Variants in DVL3 observed in about 807,000 individuals in gnomAD.
The protein encoded by DVL3 is segment polarity protein dishevelled homolog DVL-3.
In DVL3, 27 loss-of-function variants were observed where a neutral mutation model predicts 67.4. The observed-to-expected ratio is 0.40, with a 90% CI of 0.30 to 0.55. DVL3 has a LOEUF of 0.55. DVL3 is among the 20% of genes least tolerant of loss of function. The pLI is 0.46. For synonymous variants in DVL3, 369 were observed against 396.8 expected (o/e 0.93, Z 0.83); for missense variants, 819 against 1,021.5 (o/e 0.80, Z 2.70).
rs1281918567 is a variant in DVL3 at position 184,164,393 on chromosome 3, G to T, written c.353+5G>T. 1.2e-6 allele frequency: 2 copies of T among 1,613,140 alleles called. No homozygotes were observed. Among genetic ancestry groups the T allele is most frequent in the Non-Finnish European group, 1.7e-6 (2 of 1,179,454 alleles). Reference sequence around the variant, plus strand: ...CTCCCGACCCCCATCCTTCCAGTGAGTGTGACCTGAGGGTGGGGAGGGCCG... The same window carrying T: ...CTCCCGACCCCCATCCTTCCAGTGATTGTGACCTGAGGGTGGGGAGGGCCG... On this transcript the variant is annotated splice_donor_5th_base_variant and intron_variant, in intron 3 of 14. Transcript: ENST00000313143. This position sits in a 1 kb window ranked among gnomAD's most constrained non-coding sequence, Gnocchi z 5.3.
rs780300833 is a variant in DVL3 at position 184,164,424 on chromosome 3, G to T, written c.353+36G>T. 6.8e-6 allele frequency: 11 copies of T among 1,609,272 alleles called. No individual in the cohort carries two copies. In the South Asian group the frequency reaches 1.2e-4, roughly 18 times the overall value. On this transcript the variant is annotated intron_variant, in intron 3 of 14. Transcript: ENST00000313143. The surrounding 1 kb of genome is among the most constrained non-coding windows in gnomAD (Gnocchi z 5.3). Reference sequence around the variant, plus strand: ...CCTGAGGGTGGGGAGGGCCGCATCAGTTCAGCCCAGGGCTGGGGGAGGGAG... The same window carrying T: ...CCTGAGGGTGGGGAGGGCCGCATCATTTCAGCCCAGGGCTGGGGGAGGGAG...
chr3:184,164,776 A>G lies in DVL3; in HGVS notation c.464-20A>G. 2 of 1,614,030 alleles carry G rather than the reference A, an allele frequency of 1.2e-6. No individual in the cohort carries two copies. The highest frequency in any genetic ancestry group is 1.7e-6 in the Non-Finnish European group (2 of 1,179,974). On this transcript the variant is annotated intron_variant, in intron 4 of 14. Coordinates refer to ENST00000313143, the MANE Select transcript of DVL3 (RefSeq NM_004423.4). The surrounding 1 kb of genome is among the most constrained non-coding windows in gnomAD (Gnocchi z 5.3). Reference sequence around the variant, plus strand: ...CTGCACTGGGCACTGTGTAAACCCAACTGCTTCCATCCCCTGCAGCAACCC... The same window carrying G: ...CTGCACTGGGCACTGTGTAAACCCAGCTGCTTCCATCCCCTGCAGCAACCC...
At position 184,170,398 on chromosome 3, in the gene DVL3, C is replaced by A. The variant is rs751233450; in HGVS notation, c.1794C>A (p.Ser598=). The A allele has an allele frequency of 6.2e-7, 1 of 1,603,546 alleles. No homozygotes were observed. Among genetic ancestry groups the A allele is most frequent in the Admixed American group, 1.7e-5 (1 of 58,470 alleles). The stretch of plus-strand genomic sequence containing the variant: ...ACCCGAAGGCCGGGGACTCCAAGTC[C>A]GGGGGCAGCGGCAGCGAATCGGACC... ...EKDPKAGDSK[S]GGSGSESDHT... Residue 598 remains serine (S), a synonymous_variant, in exon 15 of 15, where the codon TCC becomes TCA. Coordinates refer to ENST00000313143, the MANE Select transcript of DVL3 (RefSeq NM_004423.4). This position sits in a 1 kb window ranked among gnomAD's most constrained non-coding sequence, Gnocchi z 6.5.
At chr3:184,161,990 G>A (rs1000836813) in intron 1 of DVL3, among the ~76,000 whole-genome samples, 1 of 152,176 alleles carries the variant, frequency 6.6e-6, no homozygotes, top group African/African-American at 2.4e-5. Flanking sequence ...TAAGAATGCA[G>A]ATGTTAGAGT....
chr3:184,165,475 G>T lies in DVL3; in HGVS notation c.747G>T (p.Thr249=). 5 of 1,614,002 alleles carry T rather than the reference G, an allele frequency of 3.1e-6. No homozygotes were observed. The highest frequency in any genetic ancestry group is 4.2e-6 in the Non-Finnish European group (5 of 1,179,968). Reference sequence around the variant, plus strand: ...CCACCATGTCACTCAACATCATCACGGTCACTCTCAACATGGGTGAGTCTG... The same window carrying T: ...CCACCATGTCACTCAACATCATCACTGTCACTCTCAACATGGGTGAGTCTG... The part of the protein sequence containing the change: ...TDSTMSLNII[T]VTLNMEKYNF... The change falls in exon 7 of 15, where the codon ACG becomes ACT. Residue 249 remains threonine, a synonymous_variant. Coordinates refer to ENST00000313143, the MANE Select transcript of DVL3 (RefSeq NM_004423.4). This position sits in a 1 kb window ranked among gnomAD's most constrained non-coding sequence, Gnocchi z 4.1.
At position 184,163,941 on chromosome 3, in the gene DVL3, A is replaced by G. The variant is rs926709784; in HGVS notation, c.231+215A>G. Reference sequence around the variant, plus strand: ...GGAAGAGGGAGAGACGGAAACACACAGTGGAGACAGTAACGTTTCCTATGC... The same window carrying G: ...GGAAGAGGGAGAGACGGAAACACACGGTGGAGACAGTAACGTTTCCTATGC... On this transcript the variant is annotated intron_variant, in intron 2 of 14. Transcript: ENST00000313143. This position sits in a 1 kb window ranked among gnomAD's most constrained non-coding sequence, Gnocchi z 4.5. Among the ~76,000 whole-genome samples the G allele has an allele frequency of 1.3e-5, 2 of 152,160 alleles. No homozygotes were observed. Among genetic ancestry groups the G allele is most frequent in the Non-Finnish European group, 2.9e-5 (2 of 68,026 alleles).
intron 13 of DVL3, 30 bp from the exon 14 acceptor site, chr3:184,169,976 C>T: frequency 6.4e-7 from 1 of 1,571,860 alleles, no homozygotes; most frequent in Non-Finnish European, 8.7e-7. Flanking sequence ...TCCGGAAAGA[C>T]CTAGCTCCAT....
intron 1 of DVL3, among the ~76,000 whole-genome samples, chr3:184,162,255 G>C (rs1714406935): frequency 6.7e-6 from 1 of 149,312 alleles, no homozygotes; most frequent in South Asian, 2.1e-4. Flanking sequence ...ATAGCTCACT[G>C]CAGCCTTGAA....
rs753138137 is a variant in DVL3, at chr3:184,170,248, G to C, written c.1714+27G>C. The stretch of plus-strand genomic sequence containing the variant: ...TAAGGTAGAGGGGCCGTGGAGGAAG[G>C]CTATAGGTGGGCCCCAGGCTTCCCC... On this transcript the variant is annotated intron_variant, in intron 14 of 14. Transcript: ENST00000313143. The surrounding 1 kb of genome is among the most constrained non-coding windows in gnomAD (Gnocchi z 6.5). 8 of 1,609,050 alleles carry C rather than the reference G, an allele frequency of 5.0e-6. No homozygotes were observed. The highest frequency in any genetic ancestry group is 6.8e-6 in the Non-Finnish European group (8 of 1,177,742).
At position 184,170,191 on chromosome 3, in the gene DVL3, G is replaced by A. The variant is rs1381302617; in HGVS notation, c.1684G>A (p.Gly562Arg). Residue 562 changes from glycine to arginine, a missense_variant, in exon 14 of 15, where the codon GGG (glycine) becomes AGG (arginine). Physicochemically the swap from Gly to Arg is moderately radical, Grantham distance 125. Around this residue, in one of 3 missense-constraint regions of DVL3, gnomAD observed 324 missense variants for 331.3 expected, o/e 0.98. Transcript: ENST00000313143. This position sits in a 1 kb window ranked among gnomAD's most constrained non-coding sequence, Gnocchi z 6.5. ...CCCGGAGCTGGGCTACAGCTACGGCGGGGGCAGCGCCAGCAGTCAGCACAG... is the reference window on the plus strand; with the variant it reads ...CCCGGAGCTGGGCTACAGCTACGGCAGGGGCAGCGCCAGCAGTCAGCACAG... ...GFPELGYSYGGGSASSQHSEG... is the reference protein window; with the variant it reads ...GFPELGYSYGRGSASSQHSEG... 1.2e-6 allele frequency: 2 copies of A among 1,611,782 alleles called. No homozygotes were observed. The highest frequency in any genetic ancestry group is 8.5e-7 in the Non-Finnish European group (1 of 1,179,780).
intron 1 of DVL3, among the ~76,000 whole-genome samples, chr3:184,160,189 G>A (rs2109019029): frequency 6.7e-6 from 1 of 149,850 alleles, no homozygotes; most frequent in South Asian, 2.1e-4. Flanking sequence ...CCTGACTCAT[G>A]ATCCGCTCAC....
Position 184,164,630 on chromosome 3 carries a change from C to T in DVL3, c.463+29C>T, listed in dbSNP as rs1201291238. ...TATCTTCCTGAACACGGACACTGTC[C>T]GCACCTCACACCCTCCCCTCACTTT... is the stretch of plus-strand genomic sequence containing the variant. On this transcript the variant is annotated intron_variant, in intron 4 of 14. Coordinates refer to ENST00000313143, the MANE Select transcript of DVL3 (RefSeq NM_004423.4). The surrounding 1 kb of genome is among the most constrained non-coding windows in gnomAD (Gnocchi z 5.3). The T allele has an allele frequency of 6.4e-7, 1 of 1,550,658 alleles. No individual in the cohort carries two copies.
At position 184,170,493 on chromosome 3, in the gene DVL3, G is replaced by A; in HGVS notation, c.1889G>A (p.Ser630Asn). ...APSERSGPAA[S>N]EHSHRSHHSL... ...AGCGAGCGCTCAGGGCCGGCGGCCA[G>A]CGAGCACAGCCACCGCAGCCACCAT... is the stretch of plus-strand genomic sequence containing the variant. The change falls in exon 15 of 15, where the codon AGC (serine) becomes AAC (asparagine). Residue 630 changes from serine (S) to asparagine (N), a missense_variant. Physicochemically the swap from Ser to Asn is conservative, Grantham distance 46 (BLOSUM62 1). This residue lies in a region of DVL3 where 324 missense variants were observed against 331.3 expected (regional missense o/e 0.98). Transcript: ENST00000313143. The surrounding 1 kb of genome is among the most constrained non-coding windows in gnomAD (Gnocchi z 6.5). The A allele has an allele frequency of 6.3e-7, 1 of 1,598,256 alleles. No individual in the cohort carries two copies. The highest frequency in any genetic ancestry group is 8.5e-7 in the Non-Finnish European group (1 of 1,172,554).
At chr3:184,168,577 T>C (rs1714681504) in intron 13 of DVL3, among the ~76,000 whole-genome samples, 2 of 152,176 alleles carry the variant, frequency 1.3e-5, no homozygotes, top group South Asian at 4.1e-4. Flanking sequence ...TGCTGGCTGC[T>C]GGCCTCTTGA....
At chr3:184,169,000 C>T (rs1714702342) in intron 13 of DVL3, among the ~76,000 whole-genome samples, 1 of 152,128 alleles carries the variant, frequency 6.6e-6, no homozygotes, top group African/African-American at 2.4e-5. Flanking sequence ...CTAAGTTGTT[C>T]TTTCCTTCTG....
rs572810860 is a variant in DVL3 at position 184,155,528 on chromosome 3, G to T, written c.-108G>T. 16 of 696,632 alleles carry T rather than the reference G, an allele frequency of 2.3e-5. No individual in the cohort carries two copies. In the East Asian group the frequency reaches 2.1e-3, roughly 90 times the overall value. The allele number at this position is 696,632 out of a possible 1,614,324, so 43.2% of individuals were successfully genotyped here. On this transcript the variant is annotated 5_prime_UTR_variant, in exon 1 of 15. Transcript: ENST00000313143. This position sits in a 1 kb window ranked among gnomAD's most constrained non-coding sequence, Gnocchi z 5.4. ...GGAGCTGGCGCCGCCAGCAGCCGCC[G>T]AGCTGGGTTGAGCCGCTGGGCCGCG...
Position 184,170,241 on chromosome 3 carries a change from G to A in DVL3, c.1714+20G>A. 4 of 1,611,220 alleles carry A rather than the reference G, an allele frequency of 2.5e-6. No individual in the cohort carries two copies. Among genetic ancestry groups the A allele is most frequent in the South Asian group, 1.1e-5 (1 of 90,798 alleles). On this transcript the variant is annotated intron_variant, in intron 14 of 14. Coordinates refer to ENST00000313143, the MANE Select transcript of DVL3 (RefSeq NM_004423.4). The surrounding 1 kb of genome is among the most constrained non-coding windows in gnomAD (Gnocchi z 6.5). ...GCGAAGGTAAGGTAGAGGGGCCGTG[G>A]AGGAAGGCTATAGGTGGGCCCCAGG...
Position 184,166,306 on chromosome 3 carries a change from A to T in DVL3, c.903+41A>T. The T allele has an allele frequency of 6.2e-7, 1 of 1,607,734 alleles. No individual in the cohort carries two copies. Among genetic ancestry groups the T allele is most frequent in the Non-Finnish European group, 8.5e-7 (1 of 1,176,292 alleles). ...CTAGGCGGTGGTGTGGATAGAGGGC[A>T]GGGAGGTGTCCTACCATCTGTACCC... On this transcript the variant is annotated intron_variant, in intron 8 of 14. Transcript: ENST00000313143. This position sits in a 1 kb window ranked among gnomAD's most constrained non-coding sequence, Gnocchi z 6.7.
chr3:184,165,373 T>C lies in DVL3; in HGVS notation c.694-49T>C, dbSNP rs1714544728. ...ACCTTGAGGAGGAGTCAGGTGGGAG[T>C]GAATTCCTGCCACCTCCACCTGCTG... is the stretch of plus-strand genomic sequence containing the variant. On this transcript the variant is annotated intron_variant, in intron 6 of 14. Transcript: ENST00000313143. This position sits in a 1 kb window ranked among gnomAD's most constrained non-coding sequence, Gnocchi z 4.1. 2.5e-6 allele frequency: 4 copies of C among 1,594,810 alleles called. No homozygotes were observed. The highest frequency in any genetic ancestry group is 3.4e-6 in the Non-Finnish European group (4 of 1,163,922).
Sources: allele counts gnomAD v4.1 joint callset (sites outside exome capture counted in the v4.1 genomes callset), GRCh38; gene constraint gnomAD v4.1.1; regional missense constraint gnomAD v4.1.1; non-coding constraint Gnocchi (gnomAD v3.1); transcripts MANE v1.5; gene names NCBI Gene and HGNC (gene_info 2026-07-23, HGNC 2026-07-21).